CWC27: variants seen among roughly 807,000 people sequenced by gnomAD.
CWC27 encodes spliceosome-associated protein CWC27 homolog.
A neutral mutation model predicts 63.6 loss-of-function variants in CWC27; 47 were observed. The observed-to-expected ratio is 0.74, with a 90% CI of 0.58 to 0.94. The LOEUF (loss-of-function observed/expected upper bound fraction) is 0.94. Among genes scored for constraint, CWC27 ranks in the 40% least tolerant of loss-of-function variants. The pLI is 0.00. For missense variants in CWC27, 495 were observed against 554.3 expected, an observed-to-expected ratio of 0.89 and a Z score of 1.07; for synonymous variants, 175 against 179.8, an observed-to-expected ratio of 0.97 and a Z score of 0.22.
At chr5:64,919,308 A>G (rs1292635424) in intron 11 of CWC27, among the ~76,000 whole-genome samples, 1 of 152,210 alleles carries the variant, frequency 6.6e-6, no homozygotes, top group African/African-American at 2.4e-5. Flanking sequence ...TATTAGACAT[A>G]GTGTTTACTT....
chr5:64,779,102 ATTT>A (rs1002681500), intron 2 of CWC27, among the ~76,000 whole-genome samples: 1 of 152,150 alleles, frequency 6.6e-6, no homozygotes, highest in African/African-American at 2.4e-5. Context: ...CTTGATAAAT[ATTT>A]TTCATTGAAT....
At chr5:64,914,901 C>G (rs935832968) in intron 11 of CWC27, among the ~76,000 whole-genome samples, 1 of 151,994 alleles carries the variant, frequency 6.6e-6, no homozygotes, top group Non-Finnish European at 1.5e-5. Flanking sequence ...CAGTGGGATA[C>G]TATATACAAG....
chr5:64,951,130 A>G (rs894889963), intron 11 of CWC27, among the ~76,000 whole-genome samples: 5 of 151,916 alleles, frequency 3.3e-5, no homozygotes, highest in African/African-American at 1.2e-4. Context: ...GTCATATGGT[A>G]GTTCATAAGA....
chr5:64,796,386 A>G (rs1744265378), intron 7 of CWC27, among the ~76,000 whole-genome samples: 1 of 152,054 alleles, frequency 6.6e-6, no homozygotes, highest in Non-Finnish European at 1.5e-5. Context: ...GACTCAGGGA[A>G]TAGTTGATAA....
At chr5:64,861,661 T>C (rs1746415246) in intron 10 of CWC27, among the ~76,000 whole-genome samples, 1 of 152,210 alleles carries the variant, frequency 6.6e-6, no homozygotes, top group African/African-American at 2.4e-5. Context: ...AATATATGAA[T>C]AAAGTTAAAA....
chr5:64,839,576 C>G (rs998993760), intron 10 of CWC27, among the ~76,000 whole-genome samples: 6 of 152,090 alleles, frequency 3.9e-5, no homozygotes, highest in African/African-American at 1.4e-4. Context: ...AGCACAGGGC[C>G]TGATGAGGGC....
At chr5:64,772,908 G>A (rs1465950075) in intron 1 of CWC27, among the ~76,000 whole-genome samples, 1 of 151,454 alleles carries the variant, frequency 6.6e-6, no homozygotes, top group Non-Finnish European at 1.5e-5. Context: ...TTGCACTCCA[G>A]CCTGCGCAAC....
intron 1 of CWC27, among the ~76,000 whole-genome samples, chr5:64,772,943 A>C (rs1335090369): frequency 6.6e-6 from 1 of 152,036 alleles, no homozygotes; most frequent in Non-Finnish European, 1.5e-5. Context: ...TCTCAAAAAA[A>C]AAAAAAGGCA....
intron 11 of CWC27, among the ~76,000 whole-genome samples, chr5:64,918,431 A>C (rs1252740805): frequency 6.6e-6 from 1 of 152,192 alleles, no homozygotes; most frequent in Non-Finnish European, 1.5e-5. Flanking sequence ...TATTCTTGCC[A>C]CAAATAAAAA....
chr5:64,948,543 A>G (rs1441921541), intron 11 of CWC27, among the ~76,000 whole-genome samples: 1 of 152,016 alleles, frequency 6.6e-6, no homozygotes, highest in Non-Finnish European at 1.5e-5. Context: ...AATATATTGC[A>G]CCATGCTAGA....
chr5:64,873,316 A>C (rs1746722102), intron 10 of CWC27, among the ~76,000 whole-genome samples: 1 of 152,186 alleles, frequency 6.6e-6, no homozygotes, highest in Admixed American at 6.5e-5. Flanking sequence ...ATAGTATTTC[A>C]ATTTTTAAAA....
rs573367933 is a variant in CWC27, at chr5:64,967,745, T to C, written c.1043-3958T>C. Among the ~76,000 whole-genome samples, 4 of 152,124 alleles carry C rather than the reference T, an allele frequency of 2.6e-5. No homozygotes were observed. In the South Asian group the frequency reaches 8.3e-4, roughly 31 times the overall value. ...AGAAAAAAAATCTCAACCCTTACCT[T>C]ACGCCATATATAAAAATCAACTTGA... On this transcript the variant is annotated intron_variant, in intron 11 of 13. Coordinates refer to ENST00000381070, the MANE Select transcript of CWC27 (RefSeq NM_005869.4).
At chr5:64,981,007 G>A (rs574723556) in intron 13 of CWC27, among the ~76,000 whole-genome samples, 4 of 152,106 alleles carry the variant, frequency 2.6e-5, no homozygotes, top group South Asian at 4.2e-4. Flanking sequence ...CACGAGAATC[G>A]CTTGAACCTG....
Position 64,804,226 on chromosome 5 carries a change from C to T in CWC27, c.781-3C>T. 1 of 1,587,026 alleles carries T rather than the reference C, an allele frequency of 6.3e-7. No individual in the cohort carries two copies. The highest frequency in any genetic ancestry group is 8.6e-7 in the Non-Finnish European group (1 of 1,166,036). On this transcript the variant is annotated splice_region_variant and splice_polypyrimidine_tract_variant and intron_variant, in intron 9 of 13. Coordinates refer to ENST00000381070, the MANE Select transcript of CWC27 (RefSeq NM_005869.4). Reference sequence around the variant, plus strand: ...GGCAAATACTCATTTTCCATTTCTACAGGATGGAGAAGATGAAAGTGCAGA... The same window carrying T: ...GGCAAATACTCATTTTCCATTTCTATAGGATGGAGAAGATGAAAGTGCAGA...
intron 1 of CWC27, among the ~76,000 whole-genome samples, chr5:64,770,201 CA>C (rs948838871): frequency 2.6e-5 from 4 of 152,140 alleles, no homozygotes; most frequent in African/African-American, 9.7e-5. Flanking sequence ...CTGTAATTCC[CA>C]GCAAAAATGT....
intron 10 of CWC27, among the ~76,000 whole-genome samples, chr5:64,856,456 A>ATG (rs1173054801): frequency 4.5e-5 from 6 of 132,144 alleles, no homozygotes; most frequent in African/African-American, 1.6e-4. Flanking sequence ...AACTTAGTGT[A>ATG]TGTGTGTGTG....
At chr5:64,995,121 A>G (rs1181203973) in intron 13 of CWC27, among the ~76,000 whole-genome samples, 3 of 150,824 alleles carry the variant, frequency 2.0e-5, no homozygotes, top group Non-Finnish European at 3.0e-5. Context: ...ACAGGCGAGC[A>G]CCACCACACC....
chr5:64,954,777 C>CATAT (rs10556328), intron 11 of CWC27, among the ~76,000 whole-genome samples: 1 of 140,822 alleles, frequency 7.1e-6, no homozygotes, highest in South Asian at 2.2e-4. Context: ...TTTCTATATG[C>CATAT]ATATATATAT....
chr5:64,869,844 T>C (rs899610155), intron 10 of CWC27, among the ~76,000 whole-genome samples: 1 of 152,030 alleles, frequency 6.6e-6, no homozygotes, highest in Non-Finnish European at 1.5e-5. Context: ...GAAAGAAAAC[T>C]CAGTTTGGGA....
Sources: gnomAD v4.1 joint callset for allele counts (sites outside exome capture counted in the v4.1 genomes callset) on GRCh38, gnomAD v4.1.1 for gene constraint, MANE v1.5 for transcripts, NCBI Gene and HGNC (gene_info 2026-07-23, HGNC 2026-07-21) for gene names.